PCDHA5: variants seen among roughly 807,000 people sequenced by gnomAD.
The protein encoded by PCDHA5 is protocadherin alpha-5.
PCDHA5 carries 43 observed loss-of-function variants against 61.6 expected under a neutral mutation model. That is an observed-to-expected ratio of 0.70 (90% confidence interval 0.55 to 0.90). The LOEUF is 0.90. Among genes scored for constraint, PCDHA5 ranks in the 40% least tolerant of loss-of-function variants. PCDHA5 has a pLI of 0.00. For synonymous variants in PCDHA5, 627 were observed against 543.9 expected, an observed-to-expected ratio of 1.15 and a Z score of -2.13; for missense variants, 1,298 against 1,222.7, an observed-to-expected ratio of 1.06 and a Z score of -0.92.
At chr5:140,854,039 C>G (rs1301679696) in intron 1 of PCDHA5, 1 of 287,104 alleles carries the variant, frequency 3.5e-6, no homozygotes, top group Admixed American at 6.8e-5. Context: ...GCACACATCT[C>G]TAGTCCCAAT....
At chr5:140,967,579 C>G in intron 1 of PCDHA5, 7 of 1,614,154 alleles carry the variant, frequency 4.3e-6, no homozygotes, top group South Asian at 1.1e-5. Context: ...AGGACTCACC[C>G]CCAGGCACAT....
At chr5:140,869,732 T>C (rs782783003) in intron 1 of PCDHA5, 2 of 1,613,412 alleles carry the variant, frequency 1.2e-6, no homozygotes, top group Non-Finnish European at 1.7e-6. Flanking sequence ...GAACTTAATT[T>C]GCTGCTAACA....
intron 1 of PCDHA5, chr5:140,871,711 T>C (rs1554165833): frequency 1.2e-6 from 1 of 815,266 alleles, no homozygotes; most frequent in Middle Eastern, 3.7e-4. Flanking sequence ...ATAAATGTCC[T>C]ATTTCTCTTA....
chr5:141,000,393 CTCTA>C (rs1240848742), intron 3 of PCDHA5, among the ~76,000 whole-genome samples: 128 of 52,788 alleles, frequency 2.4e-3, no homozygotes, highest in Admixed American at 6.8e-3. Context: ...CTCTCTCTCT[CTCTA>C]TATATATATA....
chr5:140,838,073 ATATAGTGT>A (rs1457215249), intron 1 of PCDHA5, among the ~76,000 whole-genome samples: 9 of 126,836 alleles, frequency 7.1e-5, no homozygotes, highest in Admixed American at 1.7e-4. Context: ...AGTTATATAT[ATATAGTGT>A]GTGTGTGTGT....
At chr5:140,848,691 T>C in intron 1 of PCDHA5, 1 of 1,592,078 alleles carries the variant, frequency 6.3e-7, no homozygotes, top group South Asian at 1.1e-5. Context: ...CCTGTTCCAG[T>C]TGGATTCCAA....
At chr5:140,855,964 T>C in intron 1 of PCDHA5, 3 of 1,408,442 alleles carry the variant, frequency 2.1e-6, no homozygotes, top group Admixed American at 2.3e-5. Context: ...AAAAAATAGA[T>C]ATAAGAAATA....
At chr5:140,831,386 G>A (rs1185235315) in intron 1 of PCDHA5, among the ~76,000 whole-genome samples, 1 of 151,812 alleles carries the variant, frequency 6.6e-6, no homozygotes, top group East Asian at 1.9e-4. Flanking sequence ...GTGTGACAGG[G>A]TCTTGCTCTG....
chr5:140,968,405 G>A, intron 1 of PCDHA5: 1 of 1,614,002 alleles, frequency 6.2e-7, no homozygotes, highest in Non-Finnish European at 8.5e-7. Flanking sequence ...GGAGTTCTTT[G>A]TGACTGTGGA....
chr5:140,915,008 T>C (rs1201776517), intron 1 of PCDHA5, among the ~76,000 whole-genome samples: 1 of 150,866 alleles, frequency 6.6e-6, no homozygotes, highest in Non-Finnish European at 1.5e-5. Context: ...TGCAGTGGCC[T>C]GATCTTGGCT....
chr5:140,883,627 G>T (rs781902332), intron 1 of PCDHA5: 78 of 1,613,816 alleles, frequency 4.8e-5, no homozygotes, highest in Non-Finnish European at 6.2e-5. Flanking sequence ...ACAACGCGCC[G>T]GCGTTCGCGC....
At chr5:140,847,086 A>G (rs1439792842) in intron 1 of PCDHA5, among the ~76,000 whole-genome samples, 1 of 149,852 alleles carries the variant, frequency 6.7e-6, no homozygotes, top group East Asian at 1.9e-4. Flanking sequence ...AGAAAAGTCC[A>G]CTTTGGTTAA....
At chr5:140,939,119 C>A (rs1427966155) in intron 1 of PCDHA5, among the ~76,000 whole-genome samples, 9 of 152,170 alleles carry the variant, frequency 5.9e-5, no homozygotes, top group African/African-American at 1.7e-4. Flanking sequence ...TTTCACAATT[C>A]TGGAAGCTGG....
intron 1 of PCDHA5, chr5:140,842,447 G>A: frequency 6.2e-7 from 1 of 1,613,790 alleles, no homozygotes; most frequent in Non-Finnish European, 8.5e-7. Context: ...TAGCGTGAAC[G>A]ACCTCGATTC....
chr5:140,823,750 A>G lies in PCDHA5; in HGVS notation c.1975A>G (p.Thr659Ala), dbSNP rs2150128815. ...GAAGGACCATGGAGAGCCCCCGCTGACAGCCACAGCCACAGTGCTGGTGTC... is the reference window on the plus strand; with the variant it reads ...GAAGGACCATGGAGAGCCCCCGCTGGCAGCCACAGCCACAGTGCTGGTGTC... ...LVKDHGEPPL[T>A]ATATVLVSLV... Residue 659 changes from threonine to alanine, a missense_variant, in exon 1 of 4, where the codon ACA becomes GCA. Thr to Ala is a moderately conservative substitution (Grantham distance 58). Transcript: ENST00000529859. 32 of 1,613,782 alleles carry G rather than the reference A, an allele frequency of 2.0e-5. No individual in the cohort carries two copies. Among genetic ancestry groups the G allele is most frequent in the Non-Finnish European group, 2.5e-5 (30 of 1,179,926 alleles).
At chr5:141,002,331 C>T (rs550513057) in intron 3 of PCDHA5, among the ~76,000 whole-genome samples, 1 of 152,372 alleles carries the variant, frequency 6.6e-6, no homozygotes, top group South Asian at 2.1e-4. Context: ...CGGGCTGCAT[C>T]CGCACCCCTT....
intron 1 of PCDHA5, among the ~76,000 whole-genome samples, chr5:140,960,147 T>C (rs2095529138): frequency 6.6e-6 from 1 of 152,322 alleles, no homozygotes; most frequent in Admixed American, 6.5e-5. Context: ...TATTAATAGC[T>C]TGAGACTGAT....
At position 140,823,979 on chromosome 5, in the gene PCDHA5, A is replaced by G. The variant is rs1554129682; in HGVS notation, c.2204A>G (p.Lys735Arg). 10 of 1,613,672 alleles carry G rather than the reference A, an allele frequency of 6.2e-6. No homozygotes were observed. In the East Asian group the frequency reaches 2.0e-4, roughly 32 times the overall value. Residue 735 changes from lysine to arginine, a missense_variant, in exon 1 of 4, where the codon AAG becomes AGG. Coordinates refer to ENST00000529859, the MANE Select transcript of PCDHA5 (RefSeq NM_018908.3). ...QPTEAVCTRG[K>R]PTLLCSSAVG... ...ACCGAGGCCGTGTGCACACGGGGCAAGCCCACTCTGTTGTGCTCCAGCGCG... is the reference window on the plus strand; with the variant it reads ...ACCGAGGCCGTGTGCACACGGGGCAGGCCCACTCTGTTGTGCTCCAGCGCG...
At chr5:140,836,665 G>A in intron 1 of PCDHA5, 2 of 1,613,382 alleles carry the variant, frequency 1.2e-6, no homozygotes, top group South Asian at 2.2e-5. Context: ...GTGTGCTCTG[G>A]GGAGGGCCCA....
Sources: gnomAD v4.1 joint callset for allele counts (sites outside exome capture counted in the v4.1 genomes callset) on GRCh38, gnomAD v4.1.1 for gene constraint, MANE v1.5 for transcripts, NCBI Gene and HGNC (gene_info 2026-07-23, HGNC 2026-07-21) for gene names.